Variants in ADAMTSL1 observed in about 807,000 individuals in gnomAD.
ADAMTSL1 encodes the protein ADAMTS-like protein 1.
Under a neutral mutation model 201.8 loss-of-function variants are expected in ADAMTSL1, and 126 were observed. The observed-to-expected ratio is 0.62, with a 90% CI of 0.54 to 0.72. The LOEUF (loss-of-function observed/expected upper bound fraction) is 0.72, where lower values mean the gene tolerates loss of function less well. ADAMTSL1 is among the 30% of genes least tolerant of loss of function. The pLI is 0.00. For missense variants in ADAMTSL1, 2,679 were observed against 2,277.8 expected (o/e 1.18, Z -3.59); for synonymous variants, 1,121 against 903.4 (o/e 1.24, Z -4.32).
chr9:18,540,416 G>C (rs1000902072), intron 3 of ADAMTSL1, among the ~76,000 whole-genome samples: 6 of 152,142 alleles, frequency 3.9e-5, no homozygotes, highest in African/African-American at 1.4e-4. Context: ...AGGGATGGAG[G>C]GTTGCTCTAC....
chr9:18,361,391 A>G (rs1836513498), intron 2 of ADAMTSL1, among the ~76,000 whole-genome samples: 1 of 152,190 alleles, frequency 6.6e-6, no homozygotes, highest in Non-Finnish European at 1.5e-5. Flanking sequence ...TTTCAACAAC[A>G]GTTTTGTCAT....
rs183141870 is a variant in ADAMTSL1, at chr9:18,767,707, G to T, written c.2218-2895G>T. Among the ~76,000 whole-genome samples the T allele has an allele frequency of 3.2e-3, 482 of 152,256 alleles. 1 individual carries two copies. Among genetic ancestry groups the T allele is most frequent in the Admixed American group, 5.0e-3 (77 of 15,300 alleles). ...GGAGGCATTATTCTAGGCAGTGCGGGTACAAAATTAGTTAAAGAAGTGAAA... is the reference window on the plus strand; with the variant it reads ...GGAGGCATTATTCTAGGCAGTGCGGTTACAAAATTAGTTAAAGAAGTGAAA... On this transcript the variant is annotated intron_variant, in intron 16 of 28. Coordinates refer to ENST00000380548, the MANE Select transcript of ADAMTSL1 (RefSeq NM_001040272.6).
At chr9:17,937,698 G>T (rs147059357) in intron 1 of ADAMTSL1, among the ~76,000 whole-genome samples, 14 of 124,286 alleles carry the variant, frequency 1.1e-4, no homozygotes, top group African/African-American at 3.8e-4. Flanking sequence ...GTGCACTGCT[G>T]GCCATATATT....
At chr9:18,642,373 G>A (rs1017571578) in intron 7 of ADAMTSL1, among the ~76,000 whole-genome samples, 1 of 151,888 alleles carries the variant, frequency 6.6e-6, no homozygotes, top group Non-Finnish European at 1.5e-5. Flanking sequence ...ATACTTTGGG[G>A]AACAGCTGAA....
At chr9:18,542,242 TTTTA>T (rs1337773544) in intron 3 of ADAMTSL1, among the ~76,000 whole-genome samples, 2 of 152,160 alleles carry the variant, frequency 1.3e-5, no homozygotes, top group Admixed American at 1.3e-4. Flanking sequence ...ATAATTGAGT[TTTTA>T]TTTGTTTTTG....
intron 1 of ADAMTSL1, among the ~76,000 whole-genome samples, chr9:17,953,852 A>G (rs1366123618): frequency 6.6e-6 from 1 of 152,170 alleles, no homozygotes; most frequent in East Asian, 1.9e-4. Flanking sequence ...TGGGCAGGAC[A>G]CAGCTGAGGA....
chr9:18,814,678 A>G (rs565291124), intron 20 of ADAMTSL1, among the ~76,000 whole-genome samples: 1 of 152,322 alleles, frequency 6.6e-6, no homozygotes, highest in African/African-American at 2.4e-5. Flanking sequence ...CTGGGAGCTA[A>G]ATGATGAGAA....
chr9:18,746,757 C>T (rs938319052), intron 15 of ADAMTSL1, among the ~76,000 whole-genome samples: 1 of 147,666 alleles, frequency 6.8e-6, no homozygotes, highest in South Asian at 2.2e-4. Flanking sequence ...CATAATGAGC[C>T]CTTGTCCAAA....
Position 18,622,255 on chromosome 9 carries a change from G to T in ADAMTSL1, c.487G>T (p.Asp163Tyr), listed in dbSNP as rs78573779. The T allele has an allele frequency of 6.2e-7, 1 of 1,613,774 alleles. No individual in the cohort carries two copies. The highest frequency in any genetic ancestry group is 8.5e-7 in the Non-Finnish European group (1 of 1,179,848). The change falls in exon 5 of 29, where the codon GAT becomes TAT. Residue 163 changes from aspartate to tyrosine, a missense_variant. By Grantham distance (160) the Asp-to-Tyr change is radical (BLOSUM62 -3). Coordinates refer to ENST00000380548, the MANE Select transcript of ADAMTSL1 (RefSeq NM_001040272.6). ...ISGLCQIVGC[D>Y]HQLGSTVKED... The stretch of plus-strand genomic sequence containing the variant: ...TCTTTCTTGTTAGATTGTTGGCTGC[G>T]ATCACCAGCTGGGAAGCACCGTCAA...
intron 2 of ADAMTSL1, among the ~76,000 whole-genome samples, chr9:18,460,535 G>C (rs1820771064): frequency 6.6e-6 from 1 of 152,132 alleles, no homozygotes; most frequent in African/African-American, 2.4e-5. Context: ...GGCAGATTTT[G>C]TGATGCCTGT....
At chr9:18,676,010 G>A in intron 10 of ADAMTSL1, 103 bp downstream of exon 10, 2 of 1,150,174 alleles carry the variant, frequency 1.7e-6, no homozygotes, top group Non-Finnish European at 2.6e-6. Flanking sequence ...GAGATTATAT[G>A]TTTTTAAGAT....
chr9:18,742,871 T>C (rs929944497), intron 15 of ADAMTSL1, among the ~76,000 whole-genome samples: 1 of 152,078 alleles, frequency 6.6e-6, no homozygotes, highest in African/African-American at 2.4e-5. Flanking sequence ...AACACAACAA[T>C]AGAGGACACC....
At chr9:18,287,834 G>A (rs180848168) in intron 2 of ADAMTSL1, among the ~76,000 whole-genome samples, 242 of 152,246 alleles carry the variant, frequency 1.6e-3, no homozygotes, top group African/African-American at 5.4e-3. Context: ...TATAATCATA[G>A]TAAATTATAT....
chr9:18,796,315 G>A (rs1386164173), intron 20 of ADAMTSL1, among the ~76,000 whole-genome samples: 1 of 152,146 alleles, frequency 6.6e-6, no homozygotes, highest in Non-Finnish European at 1.5e-5. Context: ...GGGAACTGGA[G>A]TCTCCTAACT....
chr9:18,124,624 G>C (rs956939754), intron 1 of ADAMTSL1, among the ~76,000 whole-genome samples: 1 of 152,040 alleles, frequency 6.6e-6, no homozygotes, highest in Non-Finnish European at 1.5e-5. Flanking sequence ...ATGTGATATA[G>C]TGAGTATATA....
chr9:18,379,284 T>C (rs1390414171), intron 2 of ADAMTSL1, among the ~76,000 whole-genome samples: 1 of 152,212 alleles, frequency 6.6e-6, no homozygotes, highest in Non-Finnish European at 1.5e-5. Flanking sequence ...CAGACTAGTT[T>C]TTTGTGAGAT....
intron 8 of ADAMTSL1, among the ~76,000 whole-genome samples, chr9:18,661,146 A>G (rs1046808972): frequency 1.3e-5 from 2 of 152,182 alleles, no homozygotes; most frequent in Admixed American, 1.3e-4. Flanking sequence ...AAAGGCAGGT[A>G]GGAAAGATAA....
intron 1 of ADAMTSL1, among the ~76,000 whole-genome samples, chr9:18,008,179 C>G (rs893571467): frequency 2.6e-5 from 4 of 151,910 alleles, no homozygotes; most frequent in Admixed American, 1.3e-4. Context: ...GCAATTTACT[C>G]CTGTGTGACC....
At chr9:18,000,232 G>A (rs566944424) in intron 1 of ADAMTSL1, among the ~76,000 whole-genome samples, 4 of 151,386 alleles carry the variant, frequency 2.6e-5, no homozygotes, top group Admixed American at 1.3e-4. Context: ...CAGTGTAAAA[G>A]TGTTCCTATT....
Sources: allele counts gnomAD v4.1 joint callset (sites outside exome capture counted in the v4.1 genomes callset), GRCh38; gene constraint gnomAD v4.1.1; transcripts MANE v1.5; gene names NCBI Gene and HGNC (gene_info 2026-07-23, HGNC 2026-07-21).